Variants in MOCOS observed in about 807,000 individuals in gnomAD.
MOCOS encodes the protein molybdenum cofactor sulfurase, also known as human molybdenum cofactor sulfurase.
A neutral mutation model predicts 83.6 loss-of-function variants in MOCOS; 86 were observed. The ratio of observed to expected loss-of-function variants is 1.03; its 90% CI spans 0.86 to 1.23. MOCOS has a LOEUF of 1.23. MOCOS is among the 50% of genes most tolerant of loss of function. The pLI is 0.00. For synonymous variants in MOCOS, 445 were observed against 434.7 expected (o/e 1.02, Z -0.29); for missense variants, 1,120 against 1,126.9 (o/e 0.99, Z 0.09).
At chr18:36,237,484 A>T (rs2091563836) in intron 9 of MOCOS, among the ~76,000 whole-genome samples, 1 of 152,236 alleles carries the variant, frequency 6.6e-6, no homozygotes, top group South Asian at 2.1e-4. Flanking sequence ...GATGAAGCCC[A>T]GTTGATCATG....
intron 9 of MOCOS, among the ~76,000 whole-genome samples, chr18:36,226,046 TATGTTTGTTAGGTCC>T (rs2091514173): frequency 6.6e-6 from 1 of 152,114 alleles, no homozygotes; most frequent in African/African-American, 2.4e-5. Flanking sequence ...ACGTTTTATG[TATGTTTGTTAGGTCC>T]ATTTGGTCTA....
At chr18:36,259,548 A>G (rs941299638) in intron 12 of MOCOS, among the ~76,000 whole-genome samples, 2 of 107,150 alleles carry the variant, frequency 1.9e-5, no homozygotes, top group Non-Finnish European at 4.1e-5. Context: ...TAATGTTTTA[A>G]TACCCAAAAA....
rs188625482 is a variant in MOCOS at position 36,209,110 on chromosome 18, G to A, written c.1218+3834G>A. ...AAATCACATATATTGATTTGTGTAC[G>A]TTGAACCAGCTTTGCATCCCAGGAA... On this transcript the variant is annotated intron_variant, in intron 6 of 14. Transcript: ENST00000261326. 1.2e-3 allele frequency among the ~76,000 whole-genome samples: 176 copies of A among 151,544 alleles called. 1 individual carries two copies. The highest frequency in any genetic ancestry group is 3.6e-3 in the African/African-American group (148 of 41,406).
intron 6 of MOCOS, among the ~76,000 whole-genome samples, chr18:36,206,554 A>G (rs1598874523): frequency 6.6e-6 from 1 of 151,810 alleles, no homozygotes; most frequent in Admixed American, 6.6e-5. Context: ...CGTTCTTCCA[A>G]CTTTTATTTT....
At chr18:36,243,073 T>G (rs559209751) in intron 9 of MOCOS, among the ~76,000 whole-genome samples, 1 of 152,354 alleles carries the variant, frequency 6.6e-6, no homozygotes, top group African/African-American at 2.4e-5. Context: ...GATTCTCAGC[T>G]TGGTCACTGT....
At chr18:36,264,110 G>A (rs896890685) in intron 13 of MOCOS, among the ~76,000 whole-genome samples, 1 of 152,168 alleles carries the variant, frequency 6.6e-6, no homozygotes, top group Admixed American at 6.5e-5. Flanking sequence ...AGGAGGTGGA[G>A]TTTGCAGAGA....
At chr18:36,235,066 C>A (rs1455192018) in intron 9 of MOCOS, among the ~76,000 whole-genome samples, 1 of 152,142 alleles carries the variant, frequency 6.6e-6, no homozygotes, top group Admixed American at 6.6e-5. Context: ...CCTCCCAAAT[C>A]TCATGTCTTT....
In MOCOS at chr18:36,195,273, C is replaced by T; in HGVS notation, c.159C>T (p.Asp53=). 6.2e-7 allele frequency: 1 copy of T among 1,614,098 alleles called. No homozygotes were observed. The highest frequency in any genetic ancestry group is 8.5e-7 in the Non-Finnish European group (1 of 1,179,946). The part of the protein sequence containing the change: ...FSRLAGTVYL[D]HAGATLFSQS... ...TTCTTTCAGGAACTGTCTATCTTGA[C>T]CATGCAGGTGCCACCTTGTTCTCCC... The change falls in exon 2 of 15, where the codon GAC becomes GAT. Residue 53 remains aspartate, a synonymous_variant. Transcript: ENST00000261326.
intron 12 of MOCOS, 33 bp downstream of exon 12, chr18:36,257,106 G>A (rs200453564): frequency 6.3e-7 from 1 of 1,577,448 alleles, no homozygotes; most frequent in Non-Finnish European, 8.7e-7. Context: ...TAGCAGACAA[G>A]CATAACCATT....
At chr18:36,228,942 A>T (rs2144930327) in intron 9 of MOCOS, among the ~76,000 whole-genome samples, 1 of 151,930 alleles carries the variant, frequency 6.6e-6, no homozygotes, top group African/African-American at 2.4e-5. Context: ...AGCTGGAATT[A>T]CAAGCATTAG....
rs1304634370 is a variant in MOCOS, at chr18:36,199,882, G to A, written c.499G>A (p.Val167Ile). The A allele has an allele frequency of 1.9e-6, 3 of 1,613,852 alleles. No individual in the cohort carries two copies. Among genetic ancestry groups the A allele is most frequent in the East Asian group, 2.2e-5 (1 of 44,848 alleles). ...GCGGAACGTGACCATGGCTATAAAT[G>A]TCATATCCACCCCGGTCAGGCCAGA... Reference protein sequence around the residue: ...GMRNVTMAINVISTPVRPEDL... With the variant: ...GMRNVTMAINIISTPVRPEDL... The change falls in exon 4 of 15, where the codon GTC becomes ATC. Residue 167 changes from valine (V) to isoleucine (I), a missense_variant. Physicochemically the swap from Val to Ile is conservative, Grantham distance 29. Transcript: ENST00000261326.
chr18:36,232,898 TTATC>T (rs1310145446), intron 9 of MOCOS, among the ~76,000 whole-genome samples: 1 of 146,840 alleles, frequency 6.8e-6, no homozygotes, highest in Non-Finnish European at 1.5e-5. Flanking sequence ...ACCATTTTCT[TTATC>T]CATTCATTAA....
At chr18:36,237,576 T>C (rs989137020) in intron 9 of MOCOS, among the ~76,000 whole-genome samples, 15 of 152,198 alleles carry the variant, frequency 9.9e-5, no homozygotes, top group African/African-American at 3.6e-4. Context: ...TCATCAAGGA[T>C]ATTGGTCTAA....
At chr18:36,212,538 T>C (rs961080981) in intron 6 of MOCOS, among the ~76,000 whole-genome samples, 22 of 152,314 alleles carry the variant, frequency 1.4e-4, no homozygotes, top group African/African-American at 5.3e-4. Flanking sequence ...AGTGGGCCAT[T>C]AGCCAAGGGT....
At chr18:36,187,816 G>T (rs2091347614) in intron 1 of MOCOS, 135 bp downstream of exon 1, 2 of 1,008,504 alleles carry the variant, frequency 2.0e-6, no homozygotes, top group Non-Finnish European at 2.5e-6. Flanking sequence ...ACGTGTCCAC[G>T]CGTCCTCCTA....
chr18:36,254,428 C>T (rs187364179), intron 11 of MOCOS, among the ~76,000 whole-genome samples: 6 of 149,540 alleles, frequency 4.0e-5, no homozygotes, highest in Admixed American at 3.3e-4. Context: ...ATTTGAATCT[C>T]GTGAGTATTC....
rs181986344 is a variant in MOCOS, at chr18:36,254,998, C to G, written c.2165-1970C>G. Among the ~76,000 whole-genome samples, 6 of 152,136 alleles carry G rather than the reference C, an allele frequency of 3.9e-5. No individual in the cohort carries two copies. The East Asian group carries it at 7.7e-4, about 20-fold the overall frequency. On this transcript the variant is annotated intron_variant, in intron 11 of 14. Transcript: ENST00000261326. ...ACCTTGGCCTCCCAAAGTGCTGGGA[C>G]TACAGGCATGAGCCTTTGCACCCAG...
At chr18:36,246,578 T>C (rs938832698) in intron 9 of MOCOS, among the ~76,000 whole-genome samples, 4 of 152,226 alleles carry the variant, frequency 2.6e-5, no homozygotes, top group African/African-American at 9.6e-5. Context: ...AGTTTTGTTT[T>C]AGTGTGCTGG....
intron 6 of MOCOS, among the ~76,000 whole-genome samples, chr18:36,209,420 AT>A (rs140927139): frequency 0.045 from 6,885 of 152,060 alleles, 219 homozygotes; most frequent in East Asian, 0.097. Flanking sequence ...GGTTTCTGAG[AT>A]TTTGGTGCAT....
Sources: gnomAD v4.1 joint callset for allele counts (sites outside exome capture counted in the v4.1 genomes callset) on GRCh38, gnomAD v4.1.1 for gene constraint, MANE v1.5 for transcripts, NCBI Gene and HGNC (gene_info 2026-07-23, HGNC 2026-07-21) for gene names.